POU2AF1: variants seen among roughly 807,000 people sequenced by gnomAD.
POU2AF1 encodes the protein POU domain class 2-associating factor 1.
Under a neutral mutation model 26.3 loss-of-function variants are expected in POU2AF1, and 12 were observed. That is an observed-to-expected ratio of 0.46 (90% CI 0.29 to 0.74). The LOEUF (loss-of-function observed/expected upper bound fraction) is 0.74. Ranked by LOEUF, POU2AF1 falls within the 30% of genes least tolerant of loss-of-function variation. POU2AF1 has a pLI of 0.09. For missense variants in POU2AF1, 297 were observed against 334.5 expected, an observed-to-expected ratio of 0.89 and a Z score of 0.87; for synonymous variants, 175 against 148.0, an observed-to-expected ratio of 1.18 and a Z score of -1.32.
Position 111,358,792 on chromosome 11 carries a change from G to A in POU2AF1, c.143C>T (p.Thr48Met), listed in dbSNP as rs751262631. The A allele has an allele frequency of 1.4e-5, 22 of 1,592,526 alleles. No homozygotes were observed. The highest frequency in any genetic ancestry group is 4.6e-5 in the East Asian group (2 of 43,918). Residue 48 changes from threonine (T) to methionine (M), a missense_variant, in exon 2 of 5, where the codon ACG (threonine) becomes ATG (methionine). Physicochemically the swap from Thr to Met is moderately conservative, Grantham distance 81. Coordinates refer to ENST00000393067, the MANE Select transcript of POU2AF1 (RefSeq NM_006235.3). ...CTCACACACACAAACTCTCACCGCC[G>A]TAGGTGCAGGTGCTGCCCCACTGCT... ...HASSGAAPAP[T>M]AVVLPHQPLA...
At position 111,379,162 on chromosome 11, in the gene POU2AF1, G is replaced by A. The variant is rs140281601; in HGVS notation, c.16C>T (p.Pro6Ser). ...TGACAGCCACAGCCAAACCACTTAC[G>A]TTTTTGCCAGAGCATGGCCTGTGAC... MLWQK[P>S]TAPEQAPAPA... The change falls in exon 1 of 5, where the codon CCC (proline) becomes TCC (serine). Residue 6 changes from proline (P) to serine (S), a missense_variant and splice_region_variant. Transcript: ENST00000393067. The A allele has an allele frequency of 4.2e-5, 68 of 1,613,950 alleles. No individual in the cohort carries two copies. The highest frequency in any genetic ancestry group is 5.1e-5 in the Non-Finnish European group (60 of 1,179,992).
chr11:111,363,740 T>C, intron 1 of POU2AF1: 1 of 849,608 alleles, frequency 1.2e-6, no homozygotes, highest in South Asian at 5.4e-5. Context: ...AGAAGCCCAA[T>C]TTCCCACAGT....
intron 1 of POU2AF1, chr11:111,363,219 G>A: frequency 3.9e-6 from 4 of 1,017,784 alleles, no homozygotes; most frequent in Non-Finnish European, 3.5e-6. Context: ...AGCTCCCACG[G>A]GTCTCCTGAC....
chr11:111,361,098 A>T (rs971630097), intron 1 of POU2AF1, among the ~76,000 whole-genome samples: 1 of 152,138 alleles, frequency 6.6e-6, no homozygotes, highest in Non-Finnish European at 1.5e-5. Context: ...TGAACAAGAG[A>T]TCTCTACTGG....
chr11:111,354,802 A>C (rs1860811756), intron 4 of POU2AF1, among the ~76,000 whole-genome samples: 1 of 152,308 alleles, frequency 6.6e-6, no homozygotes, highest in South Asian at 2.1e-4. Flanking sequence ...GTCTTTGCTC[A>C]GGCCACTTCC....
At chr11:111,364,020 G>A (rs1183267324) in intron 1 of POU2AF1, 2 of 979,560 alleles carry the variant, frequency 2.0e-6, no homozygotes, top group South Asian at 4.7e-5. Context: ...GTTTGAGGGG[G>A]AAAAAAAATC....
At chr11:111,377,893 C>T (rs979647833) in intron 1 of POU2AF1, 1 of 179,442 alleles carries the variant, frequency 5.6e-6, no homozygotes, top group Non-Finnish European at 1.2e-5. Flanking sequence ...TTGAATATTC[C>T]TAGTTATCTT....
chr11:111,357,879 C>G (rs371346223), intron 2 of POU2AF1, 42 bp from the exon 3 acceptor site: 63 of 1,555,238 alleles, frequency 4.1e-5, no homozygotes, highest in Admixed American at 1.2e-4. Context: ...GTTTAGCCCT[C>G]GTCAACCGGC....
rs1428436340 is a variant in POU2AF1 at position 111,353,960 on chromosome 11, G to A, written c.*301C>T. 12 of 353,390 alleles carry A rather than the reference G, an allele frequency of 3.4e-5. No homozygotes were observed. Among genetic ancestry groups the A allele is most frequent in the Non-Finnish European group, 5.6e-5 (11 of 197,636 alleles). 21.9% of individuals were successfully genotyped at this position (353,390 alleles called of 1,614,324 possible). A position where few individuals can be genotyped will look rare whatever the true frequency, so the allele number is the denominator to read the frequency against. On this transcript the variant is annotated 3_prime_UTR_variant, in exon 5 of 5. Transcript: ENST00000393067. ...AGGGAAGGAAGGGAGGGAGGAAAAG[G>A]AAGGAAGGGGTTGGAAAGGGAGAAG...
intron 2 of POU2AF1, among the ~76,000 whole-genome samples, chr11:111,358,277 C>T (rs921323394): frequency 7.2e-5 from 11 of 152,118 alleles, no homozygotes; most frequent in East Asian, 1.9e-4. Flanking sequence ...TCTGCCTGCG[C>T]GCACACACAT....
intron 1 of POU2AF1, among the ~76,000 whole-genome samples, chr11:111,372,190 A>T (rs1009471820): frequency 3.3e-5 from 5 of 152,112 alleles, no homozygotes; most frequent in Admixed American, 2.6e-4. Context: ...TGCCTGCTAC[A>T]TCGGGCTCTC....
In POU2AF1 at chr11:111,354,044, G is replaced by C; in HGVS notation, c.*217C>G. ...AGGAAGGGGTTGGAAAGGAAGAAGG[G>C]AGGGAGGGGAAGAATGGAAGGATGG... On this transcript the variant is annotated 3_prime_UTR_variant, in exon 5 of 5. Transcript: ENST00000393067. 1 of 476,808 alleles carries C rather than the reference G, an allele frequency of 2.1e-6. No individual in the cohort carries two copies. 29.5% of individuals were successfully genotyped at this position (476,808 alleles called of 1,614,324 possible).
rs1315435016 is a variant in POU2AF1 at position 111,353,056 on chromosome 11, A to AGG, written c.*1204_*1205insCC. The AGG allele has an allele frequency of 6.1e-5, 12 of 197,956 alleles. No homozygotes were observed. The highest frequency in any genetic ancestry group is 2.4e-4 in the African/African-American group (7 of 29,408). The allele number at this position is 197,956 out of a possible 1,614,324, so 12.3% of individuals were successfully genotyped here. ...AAGGAAGGAAGGAAGGAAGGAAGGA[A>AGG]AGAAACAAAACCCACATGGTAGCAC... On this transcript the variant is annotated 3_prime_UTR_variant, in exon 5 of 5. Transcript: ENST00000393067.
chr11:111,363,412 C>G (rs1027886101), intron 1 of POU2AF1: 4 of 1,015,754 alleles, frequency 3.9e-6, no homozygotes, highest in Non-Finnish European at 4.7e-6. Context: ...TTGAAACTTG[C>G]AGTTGGTACC....
At position 111,372,874 on chromosome 11, in the gene POU2AF1, T is replaced by C. The variant is rs544540466; in HGVS notation, c.16+6288A>G. ...GAGAAGGGGCAGCGATCAGGAGGCA[T>C]GATCTTTTGCTATTCCTTTTTCTTC... On this transcript the variant is annotated intron_variant, in intron 1 of 4. Coordinates refer to ENST00000393067, the MANE Select transcript of POU2AF1 (RefSeq NM_006235.3). 3.8e-4 allele frequency among the ~76,000 whole-genome samples: 58 copies of C among 152,284 alleles called. 2 individuals carry two copies. The highest frequency in any genetic ancestry group is 1.1e-3 in the African/African-American group (46 of 41,556).
At chr11:111,371,350 A>G (rs1315888454) in intron 1 of POU2AF1, among the ~76,000 whole-genome samples, 4 of 152,182 alleles carry the variant, frequency 2.6e-5, no homozygotes, top group Non-Finnish European at 5.9e-5. Context: ...AGTTTTCGGT[A>G]TCTATTTCTT....
chr11:111,378,901 T>A (rs2135145934), intron 1 of POU2AF1, among the ~76,000 whole-genome samples: 1 of 152,198 alleles, frequency 6.6e-6, no homozygotes, highest in African/African-American at 2.4e-5. Context: ...GAAGCGGAGG[T>A]ACCCTGAGCC....
chr11:111,367,216 A>T (rs1321798925), intron 1 of POU2AF1, among the ~76,000 whole-genome samples: 1 of 152,136 alleles, frequency 6.6e-6, no homozygotes, highest in Admixed American at 6.5e-5. Flanking sequence ...AGATCAGGTC[A>T]AGCACAGAAG....
chr11:111,375,390 CTTTTTTTT>C (rs869115956), intron 1 of POU2AF1, among the ~76,000 whole-genome samples: 4 of 79,486 alleles, frequency 5.0e-5, no homozygotes, highest in Admixed American at 2.1e-4. Flanking sequence ...TACTGAGTAT[CTTTTTTTT>C]TTTTTTTTTT....
Sources: gnomAD v4.1 joint callset for allele counts (sites outside exome capture counted in the v4.1 genomes callset) on GRCh38, gnomAD v4.1.1 for gene constraint, MANE v1.5 for transcripts, NCBI Gene and HGNC (gene_info 2026-07-23, HGNC 2026-07-21) for gene names.